The following PPARGC1A variants were observed in gnomAD, a reference collection of about 807,000 sequenced individuals.
PPARGC1A encodes the protein PPARG coactivator 1 alpha.
A neutral mutation model predicts 88.7 loss-of-function variants in PPARGC1A; 25 were observed. That is an observed-to-expected ratio of 0.28 (90% confidence interval 0.21 to 0.39). The LOEUF is 0.39. Among genes scored for constraint, PPARGC1A ranks in the 10% least tolerant of loss-of-function variants. PPARGC1A has a pLI of 1.00. For missense variants in PPARGC1A, 880 were observed against 968.7 expected (o/e 0.91, Z 1.22); for synonymous variants, 363 against 355.6 (o/e 1.02, Z -0.24).
chr4:23,849,139 G>A (rs569558218), intron 2 of PPARGC1A, among the ~76,000 whole-genome samples: 13 of 152,224 alleles, frequency 8.5e-5, no homozygotes, highest in South Asian at 8.3e-4. Flanking sequence ...GTGAGACTCC[G>A]TCTCAAAGAA....
chr4:23,943,770 T>C, the PPARGC1A span, among the ~76,000 whole-genome samples: 17 of 152,294 alleles, frequency 1.1e-4, no homozygotes, highest in African/African-American at 4.1e-4. Context: ...TCATCATAAA[T>C]CTTGTTGATA....
the PPARGC1A span, among the ~76,000 whole-genome samples, chr4:23,999,049 T>C: frequency 3.3e-5 from 5 of 152,236 alleles, no homozygotes; most frequent in African/African-American, 9.6e-5. Flanking sequence ...CAAGGAACTC[T>C]GGAGATTCTT....
chr4:24,355,860 C>A, the PPARGC1A span, among the ~76,000 whole-genome samples: 4 of 152,102 alleles, frequency 2.6e-5, no homozygotes, highest in Non-Finnish European at 4.4e-5. Flanking sequence ...GAAGCCAAGC[C>A]TCCTAAACTT....
chr4:24,046,681 A>G, the PPARGC1A span, among the ~76,000 whole-genome samples: 1 of 152,198 alleles, frequency 6.6e-6, no homozygotes, highest in Non-Finnish European at 1.5e-5. Context: ...TCCTGGGCAC[A>G]CAGCTGGAGT....
intron 2 of PPARGC1A, among the ~76,000 whole-genome samples, chr4:23,844,633 T>A (rs1727776166): frequency 2.2e-5 from 1 of 44,736 alleles, no homozygotes; most frequent in Non-Finnish European, 3.6e-5. Flanking sequence ...TAATATATAA[T>A]AATATATATC....
intron 7 of PPARGC1A, among the ~76,000 whole-genome samples, chr4:23,821,134 A>C (rs986028231): frequency 6.6e-6 from 1 of 152,142 alleles, no homozygotes; most frequent in Non-Finnish European, 1.5e-5. Flanking sequence ...TGGCAAGTGC[A>C]ATGAAGCCTA....
chr4:24,003,131 G>A, the PPARGC1A span, among the ~76,000 whole-genome samples: 1 of 152,118 alleles, frequency 6.6e-6, no homozygotes, highest in East Asian at 1.9e-4. Flanking sequence ...TTTTCCAGAA[G>A]TGAAAACTCT....
At chr4:24,067,406 T>C in the PPARGC1A span, among the ~76,000 whole-genome samples, 1 of 152,142 alleles carries the variant, frequency 6.6e-6, no homozygotes, top group African/African-American at 2.4e-5. Context: ...GACATCAAAA[T>C]GCCCCCAAAG....
the PPARGC1A span, among the ~76,000 whole-genome samples, chr4:24,134,375 G>A: frequency 4.6e-5 from 7 of 152,180 alleles, no homozygotes; most frequent in African/African-American, 1.4e-4. Context: ...AGAGATAAAT[G>A]TTTACAAATC....
At chr4:24,002,548 G>A in the PPARGC1A span, among the ~76,000 whole-genome samples, 1 of 150,998 alleles carries the variant, frequency 6.6e-6, no homozygotes, top group Non-Finnish European at 1.5e-5. Flanking sequence ...GAAGAATCAA[G>A]CAAGAGATCC....
chr4:24,062,261 C>T, the PPARGC1A span, among the ~76,000 whole-genome samples: 11 of 152,164 alleles, frequency 7.2e-5, no homozygotes, highest in African/African-American at 2.4e-4. Flanking sequence ...CTGCAGGATT[C>T]GGCATGAGAA....
chr4:24,157,415 C>T, the PPARGC1A span, among the ~76,000 whole-genome samples: 2 of 152,184 alleles, frequency 1.3e-5, no homozygotes, highest in Non-Finnish European at 2.9e-5. Context: ...TTCCTCCAAA[C>T]ATCTTCTCAA....
chr4:24,207,633 A>G, the PPARGC1A span, among the ~76,000 whole-genome samples: 2 of 152,206 alleles, frequency 1.3e-5, no homozygotes, highest in African/African-American at 4.8e-5. Flanking sequence ...TGCTGCTGCA[A>G]TCAATTTTCT....
At chr4:24,221,047 A>T in the PPARGC1A span, among the ~76,000 whole-genome samples, 418 of 152,322 alleles carry the variant, frequency 2.7e-3, 2 homozygotes, top group African/African-American at 9.0e-3. Flanking sequence ...TTATTTTTTT[A>T]AATTTTTACA....
At chr4:24,321,333 G>A in the PPARGC1A span, among the ~76,000 whole-genome samples, 1 of 152,112 alleles carries the variant, frequency 6.6e-6, no homozygotes, top group African/African-American at 2.4e-5. Flanking sequence ...ACACCCAAAG[G>A]CCTGCGAACT....
At chr4:24,470,306 ACACACACACACACACACACT>A in the PPARGC1A span, among the ~76,000 whole-genome samples, 28 of 147,222 alleles carry the variant, frequency 1.9e-4, 1 homozygote, top group South Asian at 2.0e-3. This position sits in a 1 kb window ranked among gnomAD's most constrained non-coding sequence, Gnocchi z 5.8. Flanking sequence ...ACACACACAC[ACACACACACACACACACACT>A]CTCTCACACA....
At chr4:24,059,545 G>C in the PPARGC1A span, among the ~76,000 whole-genome samples, 2 of 152,274 alleles carry the variant, frequency 1.3e-5, no homozygotes, top group Admixed American at 6.5e-5. Flanking sequence ...GATAGCCAAG[G>C]AGGAACAGCC....
chr4:23,858,931 G>A (rs773612705), intron 2 of PPARGC1A, among the ~76,000 whole-genome samples: 132 of 148,818 alleles, frequency 8.9e-4, no homozygotes, highest in Admixed American at 2.1e-3. Flanking sequence ...AAATTATATA[G>A]ATTTAAAGTG....
At chr4:24,153,170 A>G in the PPARGC1A span, among the ~76,000 whole-genome samples, 3 of 152,170 alleles carry the variant, frequency 2.0e-5, no homozygotes, top group African/African-American at 7.2e-5. Flanking sequence ...GAAAATACCA[A>G]TTGTACAATT....
Sources: gnomAD v4.1 joint callset for allele counts (sites outside exome capture counted in the v4.1 genomes callset) on GRCh38, gnomAD v4.1.1 for gene constraint, Gnocchi (gnomAD v3.1) non-coding constraint, MANE v1.5 for transcripts, NCBI Gene and HGNC (gene_info 2026-07-23, HGNC 2026-07-21) for gene names.